DCC: variants seen among roughly 807,000 people sequenced by gnomAD.
The protein encoded by DCC is netrin receptor DCC.
In DCC, 58 loss-of-function variants were observed where a neutral mutation model predicts 172.5. That is an observed-to-expected ratio of 0.34 (90% CI 0.27 to 0.42). DCC has a LOEUF of 0.42. Ranked by LOEUF, DCC falls within the 10% of genes least tolerant of loss-of-function variation. DCC has a pLI of 1.00. For missense variants in DCC, 1,740 were observed against 1,791.0 expected (o/e 0.97, Z 0.51); for synonymous variants, 709 against 644.5 (o/e 1.10, Z -1.52).
intron 15 of DCC, among the ~76,000 whole-genome samples, chr18:53,360,307 A>T (rs916539556): frequency 2.6e-5 from 4 of 152,154 alleles, no homozygotes; most frequent in Non-Finnish European, 4.4e-5. Flanking sequence ...TACTTCTAGC[A>T]ATGTCTATTC....
intron 5 of DCC, among the ~76,000 whole-genome samples, chr18:52,929,572 AC>A (rs889023104): frequency 8.5e-4 from 129 of 152,232 alleles, no homozygotes; most frequent in African/African-American, 3.0e-3. Context: ...CAACTGCCAT[AC>A]TTCGAATCTG....
chr18:52,404,077 C>T (rs1343972692), intron 1 of DCC, among the ~76,000 whole-genome samples: 1 of 151,970 alleles, frequency 6.6e-6, no homozygotes, highest in Non-Finnish European at 1.5e-5. Context: ...AAGGTTCTGC[C>T]TGACTTTGAG....
At chr18:53,285,921 C>T (rs564348513) in intron 12 of DCC, among the ~76,000 whole-genome samples, 1 of 152,324 alleles carries the variant, frequency 6.6e-6, no homozygotes, top group East Asian at 1.9e-4. Flanking sequence ...GGATTTCGAA[C>T]TTGCATGGGG....
intron 1 of DCC, among the ~76,000 whole-genome samples, chr18:52,724,851 G>T (rs1173822507): frequency 6.6e-6 from 1 of 152,070 alleles, no homozygotes; most frequent in East Asian, 1.9e-4. Context: ...TCCCCTAGAC[G>T]GAGTCTTGGT....
intron 1 of DCC, among the ~76,000 whole-genome samples, chr18:52,659,081 C>T (rs2035310101): frequency 6.6e-6 from 1 of 152,038 alleles, no homozygotes; most frequent in Non-Finnish European, 1.5e-5. Context: ...ATAAATGTTC[C>T]ATCATTTTAC....
Position 52,608,089 on chromosome 18 carries a change from T to A in DCC, c.92-143965T>A, listed in dbSNP as rs537711098. On this transcript the variant is annotated intron_variant, in intron 1 of 28. Coordinates refer to ENST00000442544, the MANE Select transcript of DCC (RefSeq NM_005215.4). Reference sequence around the variant, plus strand: ...AAGAAATGGCTTTTCTGATGCTCTATCTCCCTTCTTTTCTTTCTCCCTGTC... The same window carrying A: ...AAGAAATGGCTTTTCTGATGCTCTAACTCCCTTCTTTTCTTTCTCCCTGTC... Among the ~76,000 whole-genome samples the A allele has an allele frequency of 3.3e-5, 5 of 152,220 alleles. No individual in the cohort carries two copies. In the East Asian group the frequency reaches 7.7e-4, roughly 24 times the overall value.
chr18:53,176,044 C>A (rs2055088098), intron 8 of DCC, among the ~76,000 whole-genome samples: 1 of 149,114 alleles, frequency 6.7e-6, no homozygotes, highest in East Asian at 2.0e-4. Context: ...ACTATCTGAT[C>A]TTTGACAAAC....
chr18:53,227,960 T>C (rs2056059890), intron 12 of DCC, among the ~76,000 whole-genome samples: 1 of 152,180 alleles, frequency 6.6e-6, no homozygotes, highest in Non-Finnish European at 1.5e-5. Context: ...AAATGCCTTA[T>C]ACTAACTTTA....
chr18:53,435,442 T>TA (rs1911880725), intron 22 of DCC, among the ~76,000 whole-genome samples: 1 of 152,146 alleles, frequency 6.6e-6, no homozygotes, highest in South Asian at 2.1e-4. Context: ...GACAGGTATG[T>TA]AAAAAAGGAG....
At chr18:52,460,789 T>C (rs1988606221) in intron 1 of DCC, among the ~76,000 whole-genome samples, 1 of 152,076 alleles carries the variant, frequency 6.6e-6, no homozygotes, top group Non-Finnish European at 1.5e-5. Context: ...TATAAAAGAT[T>C]ACTAATGGAA....
At chr18:52,448,043 G>C (rs1471536019) in intron 1 of DCC, among the ~76,000 whole-genome samples, 1 of 152,138 alleles carries the variant, frequency 6.6e-6, no homozygotes, top group Non-Finnish European at 1.5e-5. Context: ...CAACCCCAGG[G>C]CCACAAACTG....
At chr18:52,826,229 A>G (rs1473497415) in intron 2 of DCC, among the ~76,000 whole-genome samples, 1 of 152,186 alleles carries the variant, frequency 6.6e-6, no homozygotes, top group Non-Finnish European at 1.5e-5. Context: ...GACATGGATC[A>G]TCTATTTTTC....
chr18:52,446,475 A>G (rs1296174481), intron 1 of DCC, among the ~76,000 whole-genome samples: 1 of 152,196 alleles, frequency 6.6e-6, no homozygotes, highest in Admixed American at 6.5e-5. Context: ...AGATCATATC[A>G]GATTTTTCAT....
At chr18:53,069,792 G>A (rs2042627664) in intron 7 of DCC, among the ~76,000 whole-genome samples, 1 of 152,074 alleles carries the variant, frequency 6.6e-6, no homozygotes, top group Admixed American at 6.5e-5. Flanking sequence ...AAACACAGAT[G>A]ATAGGCAGTC....
intron 6 of DCC, among the ~76,000 whole-genome samples, chr18:53,063,943 C>T (rs545493800): frequency 1.1e-4 from 16 of 152,238 alleles, no homozygotes; most frequent in African/African-American, 3.6e-4. Context: ...GCTTATCCTA[C>T]ATGAGCCATT....
In DCC at chr18:53,274,900, T is replaced by G. The variant is rs113373550; in HGVS notation, c.1912-30678T>G. ...TTTAACAAGGTTCCCTAGGTGATTC[T>G]TCTGCATATTACAGTACGGGGAAGC... On this transcript the variant is annotated intron_variant, in intron 12 of 28. Coordinates refer to ENST00000442544, the MANE Select transcript of DCC (RefSeq NM_005215.4). Among the ~76,000 whole-genome samples, 3 of 152,230 alleles carry G rather than the reference T, an allele frequency of 2.0e-5. 1 individual carries two copies. The highest frequency in any genetic ancestry group is 7.2e-5 in the African/African-American group (3 of 41,574).
intron 7 of DCC, among the ~76,000 whole-genome samples, chr18:53,116,605 T>C (rs1298411042): frequency 2.0e-5 from 3 of 151,722 alleles, no homozygotes; most frequent in East Asian, 1.9e-4. Context: ...CTATTCATTA[T>C]TGCATCTTTC....
intron 1 of DCC, among the ~76,000 whole-genome samples, chr18:52,603,751 T>C (rs904412311): frequency 6.6e-6 from 1 of 151,718 alleles, no homozygotes; most frequent in Non-Finnish European, 1.5e-5. Context: ...AAGAGAGAAT[T>C]TTTTTGATTC....
chr18:52,458,841 A>G (rs1988540237), intron 1 of DCC, among the ~76,000 whole-genome samples: 1 of 152,232 alleles, frequency 6.6e-6, no homozygotes, highest in Admixed American at 6.5e-5. Context: ...TAGCCTAGTC[A>G]GCTCTTATTC....
Sources: gnomAD v4.1 joint callset for allele counts (sites outside exome capture counted in the v4.1 genomes callset) on GRCh38, gnomAD v4.1.1 for gene constraint, MANE v1.5 for transcripts, NCBI Gene and HGNC (gene_info 2026-07-23, HGNC 2026-07-21) for gene names.